The following TDRD3 variants were observed in gnomAD, a reference collection of about 807,000 sequenced individuals.
TDRD3 encodes tudor domain containing 3.
Under a neutral mutation model 86.7 loss-of-function variants are expected in TDRD3, and 45 were observed. The ratio of observed to expected loss-of-function variants is 0.52; its 90% CI spans 0.41 to 0.67. The LOEUF is 0.67. Among genes scored for constraint, TDRD3 ranks in the 30% least tolerant of loss-of-function variants. The pLI is 0.00. For missense variants in TDRD3, 814 were observed against 889.0 expected, an observed-to-expected ratio of 0.92 and a Z score of 1.07; for synonymous variants, 298 against 301.7, an observed-to-expected ratio of 0.99 and a Z score of 0.13.
At chr13:60,522,981 A>G (rs941873228) in intron 10 of TDRD3, among the ~76,000 whole-genome samples, 5 of 148,432 alleles carry the variant, frequency 3.4e-5, no homozygotes, top group Non-Finnish European at 7.5e-5. Context: ...ATTTTCTAGC[A>G]CCAGCCTTTA....
At chr13:60,569,861 T>G (rs1481751538) in intron 13 of TDRD3, among the ~76,000 whole-genome samples, 5 of 152,208 alleles carry the variant, frequency 3.3e-5, no homozygotes, top group African/African-American at 1.2e-4. Context: ...GAAAACTGGA[T>G]ATCCGTATAT....
At chr13:60,522,153 A>C (rs1258259899) in intron 10 of TDRD3, among the ~76,000 whole-genome samples, 1 of 152,144 alleles carries the variant, frequency 6.6e-6, no homozygotes, top group Non-Finnish European at 1.5e-5. Context: ...TAAGTGAAAA[A>C]CAGTATTAGA....
intron 12 of TDRD3, among the ~76,000 whole-genome samples, chr13:60,555,755 G>A (rs184568354): frequency 6.6e-6 from 1 of 151,840 alleles, no homozygotes; most frequent in African/African-American, 2.4e-5. Context: ...ATAAGGGTGA[G>A]AATGGAAAAT....
chr13:60,436,041 G>T (rs1319711759), intron 1 of TDRD3, among the ~76,000 whole-genome samples: 1 of 150,012 alleles, frequency 6.7e-6, no homozygotes, highest in African/African-American at 2.4e-5. Context: ...TATGTCTGTT[G>T]GCTGTTTTTA....
rs538403081 is a variant in TDRD3 at position 60,552,971 on chromosome 13, C to T, written c.2119-14554C>T. Among the ~76,000 whole-genome samples, 59 of 152,292 alleles carry T rather than the reference C, an allele frequency of 3.9e-4. 1 individual carries two copies. Among genetic ancestry groups the T allele is most frequent in the East Asian group, 2.3e-3 (12 of 5,166 alleles). ...AAACCATTTTTCCCTCCCAGGCCTT[C>T]GGGCCTGTGATGGAAGGGGATGTCT... On this transcript the variant is annotated intron_variant, in intron 12 of 13. Coordinates refer to ENST00000377881, the MANE Select transcript of TDRD3 (RefSeq NM_001146070.2).
chr13:60,486,252 C>T (rs1956432924), intron 7 of TDRD3, among the ~76,000 whole-genome samples: 1 of 152,040 alleles, frequency 6.6e-6, no homozygotes, highest in Non-Finnish European at 1.5e-5. Context: ...TTTATTCTGG[C>T]AGGGAGTTTC....
At chr13:60,463,671 A>G (rs1336904715) in intron 4 of TDRD3, among the ~76,000 whole-genome samples, 1 of 152,166 alleles carries the variant, frequency 6.6e-6, no homozygotes, top group Non-Finnish European at 1.5e-5. Flanking sequence ...AAAAAACAAA[A>G]AAACAAAAAA....
intron 3 of TDRD3, among the ~76,000 whole-genome samples, chr13:60,449,434 T>A (rs1955483987): frequency 1.3e-5 from 2 of 152,216 alleles, no homozygotes; most frequent in South Asian, 4.1e-4. Context: ...CCTTTTTCTG[T>A]TTTTGGTTCC....
intron 10 of TDRD3, among the ~76,000 whole-genome samples, chr13:60,516,671 A>G (rs1957177100): frequency 1.3e-5 from 2 of 152,206 alleles, no homozygotes; most frequent in Non-Finnish European, 2.9e-5. Context: ...TAGGGCTACA[A>G]GGTCGTTGGG....
intron 1 of TDRD3, among the ~76,000 whole-genome samples, chr13:60,412,929 G>T (rs1006614176): frequency 2.0e-5 from 3 of 151,896 alleles, no homozygotes; most frequent in Admixed American, 6.6e-5. Flanking sequence ...TCTAAGATGC[G>T]TACTTTAAAA....
chr13:60,496,898 C>T (rs943336152), intron 8 of TDRD3, among the ~76,000 whole-genome samples: 9 of 152,168 alleles, frequency 5.9e-5, no homozygotes, highest in Non-Finnish European at 1.2e-4. Flanking sequence ...TCTGACCTGG[C>T]ATTCTTGGCC....
rs771214596 is a variant in TDRD3, at chr13:60,483,756, G to A, written c.496-19G>A. On this transcript the variant is annotated intron_variant, in intron 5 of 13. Coordinates refer to ENST00000377881, the MANE Select transcript of TDRD3 (RefSeq NM_001146070.2). The stretch of plus-strand genomic sequence containing the variant: ...TTTTTATGTATAACTGCTCTTTTGT[G>A]ACTGGATTTTTTCCGCAGAGCTTAT... 20 of 1,597,440 alleles carry A rather than the reference G, an allele frequency of 1.3e-5. No individual in the cohort carries two copies. The Admixed American group carries it at 3.1e-4, about 25-fold the overall frequency.
At chr13:60,446,487 A>T (rs1442746555) in intron 3 of TDRD3, among the ~76,000 whole-genome samples, 1 of 152,108 alleles carries the variant, frequency 6.6e-6, no homozygotes, top group East Asian at 1.9e-4. Flanking sequence ...TCAGCCTCCC[A>T]AAGTATTGGG....
At chr13:60,428,085 G>A (rs1252954019) in intron 1 of TDRD3, among the ~76,000 whole-genome samples, 3 of 151,848 alleles carry the variant, frequency 2.0e-5, no homozygotes, top group East Asian at 3.9e-4. Flanking sequence ...TTGGCTTGAG[G>A]CATCATCAGT....
rs778928155 is a variant in TDRD3, at chr13:60,509,787, A to G, written c.883A>G (p.Ile295Val). 28 of 1,613,692 alleles carry G rather than the reference A, an allele frequency of 1.7e-5. No homozygotes were observed. Among genetic ancestry groups the G allele is most frequent in the Non-Finnish European group, 8.5e-6 (10 of 1,179,708 alleles). Residue 295 changes from isoleucine (I) to valine (V), a missense_variant, in exon 9 of 14, where the codon ATA (isoleucine) becomes GTA (valine). Coordinates refer to ENST00000377881, the MANE Select transcript of TDRD3 (RefSeq NM_001146070.2). ...GGTTGATGAGAAAGCTCTGAAGCAC[A>G]TAACGGAAATGGGCTTCAGTAAGGA... The part of the protein sequence containing the change: ...ELVDEKALKH[I>V]TEMGFSKEAS...
intron 11 of TDRD3, among the ~76,000 whole-genome samples, chr13:60,530,617 T>C (rs1435696782): frequency 9.1e-5 from 12 of 131,728 alleles, no homozygotes; most frequent in Non-Finnish European, 1.9e-4. Flanking sequence ...ATTTTTTGTA[T>C]TTTTTTTTTT....
chr13:60,490,312 G>A (rs937657481), intron 7 of TDRD3, among the ~76,000 whole-genome samples: 2 of 152,054 alleles, frequency 1.3e-5, no homozygotes, highest in African/African-American at 4.8e-5. Context: ...CTTGAAGGAG[G>A]TACGAGAATT....
chr13:60,557,012 C>A (rs1958202806), intron 12 of TDRD3, among the ~76,000 whole-genome samples: 1 of 152,022 alleles, frequency 6.6e-6, no homozygotes, highest in Non-Finnish European at 1.5e-5. Context: ...CGATACCAGC[C>A]TGACCAACGT....
At chr13:60,516,563 A>T (rs900292542) in intron 10 of TDRD3, among the ~76,000 whole-genome samples, 1 of 152,230 alleles carries the variant, frequency 6.6e-6, no homozygotes, top group Non-Finnish European at 1.5e-5. Context: ...CTAAACTCAC[A>T]GCTCTTGTAT....
Sources: allele counts gnomAD v4.1 joint callset (sites outside exome capture counted in the v4.1 genomes callset), GRCh38; gene constraint gnomAD v4.1.1; transcripts MANE v1.5; gene names NCBI Gene and HGNC (gene_info 2026-07-23, HGNC 2026-07-21).